Variants in ANGPT1 observed in about 807,000 individuals in gnomAD.
ANGPT1 encodes the protein angiopoietin-1.
ANGPT1 carries 17 observed loss-of-function variants against 62.2 expected under a neutral mutation model. The ratio of observed to expected loss-of-function variants is 0.27; its 90% confidence interval spans 0.19 to 0.41. The LOEUF is 0.41. ANGPT1 is among the 10% of genes least tolerant of loss of function. The pLI, the probability that ANGPT1 is intolerant of heterozygous loss-of-function variation, is 1.00. For synonymous variants in ANGPT1, 199 were observed against 198.9 expected, an observed-to-expected ratio of 1.00 and a Z score of 0.00; for missense variants, 478 against 594.9, an observed-to-expected ratio of 0.80 and a Z score of 2.04.
chr8:107,393,180 T>G (rs1242716038), intron 1 of ANGPT1, among the ~76,000 whole-genome samples: 1 of 152,214 alleles, frequency 6.6e-6, no homozygotes, highest in Non-Finnish European at 1.5e-5. Context: ...CTTTTTAAGC[T>G]GTAACTATTT....
At chr8:107,421,260 A>T (rs1290052885) in intron 1 of ANGPT1, among the ~76,000 whole-genome samples, 1 of 152,312 alleles carries the variant, frequency 6.6e-6, no homozygotes, top group Middle Eastern at 3.4e-3. Context: ...TTGTGAGTGA[A>T]AAATTGTCTT....
At chr8:107,274,797 C>T (rs957393608) in intron 7 of ANGPT1, among the ~76,000 whole-genome samples, 17 of 152,086 alleles carry the variant, frequency 1.1e-4, no homozygotes, top group African/African-American at 3.9e-4. Context: ...CACAAAAAAA[C>T]CTTGTCAATA....
At chr8:107,420,510 A>G (rs998266091) in intron 1 of ANGPT1, among the ~76,000 whole-genome samples, 11 of 152,136 alleles carry the variant, frequency 7.2e-5, no homozygotes, top group Non-Finnish European at 1.2e-4. Flanking sequence ...TCTCTCCTCT[A>G]TTTACTTTAC....
At chr8:107,478,249 T>TC (rs996653284) in intron 1 of ANGPT1, among the ~76,000 whole-genome samples, 1 of 129,788 alleles carries the variant, frequency 7.7e-6, no homozygotes, top group African/African-American at 3.2e-5. Context: ...ATATACCTAT[T>TC]CAAAAAAAAA....
At chr8:107,283,966 A>G (rs1456595863) in intron 7 of ANGPT1, 1 of 152,182 alleles carries the variant, frequency 6.6e-6, no homozygotes, top group Non-Finnish European at 1.5e-5. Flanking sequence ...TAACACAATA[A>G]GTGTTCGTGC....
At chr8:107,359,535 A>G (rs1205197298) in intron 1 of ANGPT1, among the ~76,000 whole-genome samples, 2 of 152,192 alleles carry the variant, frequency 1.3e-5, no homozygotes. Flanking sequence ...GTTTAAAATA[A>G]CCATTACCAC....
At chr8:107,349,256 C>T (rs1815881921) in intron 1 of ANGPT1, among the ~76,000 whole-genome samples, 1 of 152,110 alleles carries the variant, frequency 6.6e-6, no homozygotes, top group African/African-American at 2.4e-5. Context: ...ATATTTTTAG[C>T]TAGTTCCACC....
intron 6 of ANGPT1, among the ~76,000 whole-genome samples, chr8:107,292,796 C>A (rs1814310040): frequency 6.6e-6 from 1 of 152,144 alleles, no homozygotes; most frequent in South Asian, 2.1e-4. Context: ...TATTAATGGG[C>A]AAACTCTGAT....
intron 2 of ANGPT1, among the ~76,000 whole-genome samples, chr8:107,341,024 A>G (rs1176405232): frequency 1.3e-5 from 2 of 152,178 alleles, no homozygotes; most frequent in Non-Finnish European, 2.9e-5. Flanking sequence ...AATAATGGAC[A>G]ATGTGACCAA....
Position 107,347,112 on chromosome 8 carries a change from G to A in ANGPT1, c.298-15C>T, listed in dbSNP as rs1403115844. ...TAATTCTCAAGCTGCAAGAGATAAA[G>A]AACAAAACATATTACATTATAAGCA... On this transcript the variant is annotated splice_polypyrimidine_tract_variant and intron_variant, in intron 1 of 8. Transcript: ENST00000517746. The A allele has an allele frequency of 1.2e-6, 2 of 1,610,036 alleles. No individual in the cohort carries two copies. The highest frequency in any genetic ancestry group is 1.7e-6 in the Non-Finnish European group (2 of 1,177,696).
intron 7 of ANGPT1, among the ~76,000 whole-genome samples, chr8:107,270,784 GAATAT>G (rs1813716345): frequency 6.6e-6 from 1 of 151,936 alleles, no homozygotes; most frequent in South Asian, 2.1e-4. Flanking sequence ...AAAAGTGAGT[GAATAT>G]ATTAAAGACA....
In ANGPT1 at chr8:107,430,028, C is replaced by G. The variant is rs569046472; in HGVS notation, c.297+67234G>C. ...AAGTCACAGGTTAAGTAATAACATA[C>G]ATATGAATCAACTTTTTGGTTAGAA... is the stretch of plus-strand genomic sequence containing the variant. On this transcript the variant is annotated intron_variant, in intron 1 of 8. Transcript: ENST00000517746. 2.0e-5 allele frequency among the ~76,000 whole-genome samples: 3 copies of G among 146,570 alleles called. No homozygotes were observed. In the South Asian group the frequency reaches 6.6e-4, roughly 32 times the overall value.
At chr8:107,258,130 G>A (rs1813413638) in intron 8 of ANGPT1, among the ~76,000 whole-genome samples, 1 of 151,724 alleles carries the variant, frequency 6.6e-6, no homozygotes, top group South Asian at 2.1e-4. Flanking sequence ...TTTAAATGAG[G>A]AAATGCTTGC....
intron 1 of ANGPT1, among the ~76,000 whole-genome samples, chr8:107,445,061 A>C (rs547936942): frequency 6.6e-6 from 1 of 152,310 alleles, no homozygotes; most frequent in African/African-American, 2.4e-5. Context: ...AATACATACT[A>C]ATTTGCAGTC....
chr8:107,375,077 T>C (rs1033562347), intron 1 of ANGPT1, among the ~76,000 whole-genome samples: 1 of 152,072 alleles, frequency 6.6e-6, no homozygotes, highest in African/African-American at 2.4e-5. Context: ...GGAGATTCGC[T>C]TGAACCCAGG....
At chr8:107,295,034 C>T (rs1483295128) in intron 5 of ANGPT1, 1 of 152,142 alleles carries the variant, frequency 6.6e-6, no homozygotes, top group Non-Finnish European at 1.5e-5. Flanking sequence ...AAAGAAAAAA[C>T]CTCAAGTGTT....
intron 1 of ANGPT1, among the ~76,000 whole-genome samples, chr8:107,427,537 G>T (rs1206247756): frequency 6.6e-6 from 1 of 152,136 alleles, no homozygotes; most frequent in South Asian, 2.1e-4. Flanking sequence ...ACACACATGG[G>T]CTTGTCTTTC....
intron 7 of ANGPT1, chr8:107,284,452 C>A: frequency 3.5e-6 from 1 of 289,354 alleles, no homozygotes; most frequent in Non-Finnish European, 6.3e-6. Context: ...TTCACCATTC[C>A]CTAAAATTTA....
rs1487016402 is a variant in ANGPT1, at chr8:107,403,642, A to ATTAGAGGGATATT, written c.298-56558_298-56546dup. Among the ~76,000 whole-genome samples the ATTAGAGGGATATT allele has an allele frequency of 2.6e-5, 4 of 152,250 alleles. No homozygotes were observed. In the East Asian group the frequency reaches 7.7e-4, roughly 29 times the overall value. The stretch of plus-strand genomic sequence containing the variant: ...CTAACACCTGTCTCTTTGTGATAGG[A>ATTAGAGGGATATT]TTAGAGGGATATTTTAGTTTCATTG... On this transcript the variant is annotated intron_variant, in intron 1 of 8. Transcript: ENST00000517746.
Sources: allele counts gnomAD v4.1 joint callset (sites outside exome capture counted in the v4.1 genomes callset), GRCh38; gene constraint gnomAD v4.1.1; transcripts MANE v1.5; gene names NCBI Gene and HGNC (gene_info 2026-07-23, HGNC 2026-07-21).